Variants in CAMK1D observed in about 807,000 individuals in gnomAD.
The protein encoded by CAMK1D is calcium/calmodulin-dependent protein kinase type 1D.
CAMK1D carries 9 observed loss-of-function variants against 47.7 expected under a neutral mutation model. The observed-to-expected ratio is 0.19, with a 90% confidence interval of 0.11 to 0.33. CAMK1D has a LOEUF of 0.33. Ranked by LOEUF, CAMK1D falls within the 10% of genes least tolerant of loss-of-function variation. CAMK1D has a pLI of 1.00. For missense variants in CAMK1D, 291 were observed against 488.7 expected (o/e 0.60, Z 3.81); for synonymous variants, 184 against 184.9 (o/e 0.99, Z 0.04).
intron 1 of CAMK1D, among the ~76,000 whole-genome samples, chr10:12,457,485 C>T (rs1455746362): frequency 6.6e-6 from 1 of 151,786 alleles, no homozygotes; most frequent in African/African-American, 2.4e-5. Context: ...GTATGCTGCT[C>T]TTTGTATAAG....
intron 5 of CAMK1D, among the ~76,000 whole-genome samples, chr10:12,781,897 C>T (rs1837513847): frequency 6.6e-6 from 1 of 151,986 alleles, no homozygotes; most frequent in African/African-American, 2.4e-5. Flanking sequence ...ACCCACCGGC[C>T]TCAGCTTCCC....
At chr10:12,515,176 A>T (rs1429506929) in intron 1 of CAMK1D, among the ~76,000 whole-genome samples, 1 of 151,946 alleles carries the variant, frequency 6.6e-6, no homozygotes, top group Non-Finnish European at 1.5e-5. Flanking sequence ...CTTTCTTTTT[A>T]AAAAAAGTTT....
chr10:12,558,065 T>C (rs2815623), intron 2 of CAMK1D, among the ~76,000 whole-genome samples: 136,175 of 152,266 alleles, frequency 0.89, 61,274 homozygotes, highest in Non-Finnish European at 0.95. Flanking sequence ...CCGGCAGCCT[T>C]GCTCTGGCAT....
intron 2 of CAMK1D, among the ~76,000 whole-genome samples, chr10:12,615,920 G>T (rs963639143): frequency 6.6e-6 from 1 of 151,792 alleles, no homozygotes; most frequent in African/African-American, 2.4e-5. Context: ...GTGTATAGGT[G>T]TGTGTATGTG....
At chr10:12,403,236 TACA>T (rs757510577) in intron 1 of CAMK1D, among the ~76,000 whole-genome samples, 40 of 152,236 alleles carry the variant, frequency 2.6e-4, no homozygotes, top group Non-Finnish European at 4.3e-4. Context: ...GAAAGTGATT[TACA>T]ACAAGTTGGC....
chr10:12,636,731 T>G (rs1160764773), intron 2 of CAMK1D, among the ~76,000 whole-genome samples: 1 of 152,226 alleles, frequency 6.6e-6, no homozygotes, highest in African/African-American at 2.4e-5. Flanking sequence ...TGGACCCAGC[T>G]TCCTCCAAAG....
At chr10:12,400,957 A>C (rs1271509513) in intron 1 of CAMK1D, among the ~76,000 whole-genome samples, 2 of 145,048 alleles carry the variant, frequency 1.4e-5, no homozygotes, top group African/African-American at 5.1e-5. Context: ...GTCTCTACAA[A>C]ACCAGAAAAA....
intron 1 of CAMK1D, among the ~76,000 whole-genome samples, chr10:12,363,503 C>T (rs1033407626): frequency 6.6e-6 from 1 of 152,118 alleles, no homozygotes; most frequent in Non-Finnish European, 1.5e-5. Flanking sequence ...GATCTGCCCT[C>T]TTCGGCCTCC....
intron 1 of CAMK1D, among the ~76,000 whole-genome samples, chr10:12,382,328 A>G (rs1838369049): frequency 6.6e-6 from 1 of 152,132 alleles, no homozygotes; most frequent in Admixed American, 6.6e-5. Context: ...TGTAATGATA[A>G]TGTATGTGAA....
chr10:12,623,482 C>G (rs547220703), intron 2 of CAMK1D, among the ~76,000 whole-genome samples: 1 of 131,248 alleles, frequency 7.6e-6, no homozygotes, highest in East Asian at 2.4e-4. Flanking sequence ...CCTCCTTCCT[C>G]CCTTCCTTCT....
intron 1 of CAMK1D, among the ~76,000 whole-genome samples, chr10:12,458,709 A>G: frequency 6.6e-6 from 1 of 152,178 alleles, no homozygotes; most frequent in Non-Finnish European, 1.5e-5. Context: ...TCAGGATTAC[A>G]GGTGTGAGTC....
chr10:12,445,740 A>C (rs10906152), intron 1 of CAMK1D, among the ~76,000 whole-genome samples: 15,708 of 152,194 alleles, frequency 0.1, 1,354 homozygotes, highest in African/African-American at 0.23. Context: ...ACTGCAGAGA[A>C]TTATATTGCT....
chr10:12,603,766 C>T, intron 2 of CAMK1D, among the ~76,000 whole-genome samples: 1 of 152,180 alleles, frequency 6.6e-6, no homozygotes, highest in East Asian at 1.9e-4. Flanking sequence ...AAGGAACAAG[C>T]TCCTTAACAT....
chr10:12,634,404 T>C (rs1348795356), intron 2 of CAMK1D, among the ~76,000 whole-genome samples: 1 of 152,150 alleles, frequency 6.6e-6, no homozygotes, highest in Non-Finnish European at 1.5e-5. Flanking sequence ...ACCTCTGGGC[T>C]CAAGCCATCC....
At chr10:12,401,678 G>A (rs1039516276) in intron 1 of CAMK1D, among the ~76,000 whole-genome samples, 2 of 151,874 alleles carry the variant, frequency 1.3e-5, no homozygotes, top group African/African-American at 4.8e-5. Context: ...TCACAGAGGA[G>A]GTGAGCTGGG....
At chr10:12,635,111 G>T (rs1839477320) in intron 2 of CAMK1D, among the ~76,000 whole-genome samples, 1 of 152,168 alleles carries the variant, frequency 6.6e-6, no homozygotes, top group African/African-American at 2.4e-5. Context: ...AAGCTGATAG[G>T]AGCTGTGGGG....
At chr10:12,479,021 A>G (rs376134959) in intron 1 of CAMK1D, among the ~76,000 whole-genome samples, 169 of 152,112 alleles carry the variant, frequency 1.1e-3, no homozygotes, top group Non-Finnish European at 2.0e-3. Context: ...TTTTTTATGA[A>G]TGGGGGAACT....
intron 2 of CAMK1D, among the ~76,000 whole-genome samples, chr10:12,642,709 T>G (rs1293461590): frequency 1.6e-4 from 24 of 152,250 alleles, no homozygotes; most frequent in Admixed American, 1.6e-3. Flanking sequence ...TGCTTTTATT[T>G]TAATTTTACC....
chr10:12,735,283 TG>T (rs1380287351), intron 3 of CAMK1D, among the ~76,000 whole-genome samples: 2 of 152,100 alleles, frequency 1.3e-5, no homozygotes, highest in Admixed American at 6.5e-5. Flanking sequence ...AAGACCATCC[TG>T]GGCTATCACG....
Sources: gnomAD v4.1 joint callset for allele counts (sites outside exome capture counted in the v4.1 genomes callset) on GRCh38, gnomAD v4.1.1 for gene constraint, MANE v1.5 for transcripts, NCBI Gene and HGNC (gene_info 2026-07-23, HGNC 2026-07-21) for gene names.